The following FNIP1 variants were observed in gnomAD, a reference collection of about 807,000 sequenced individuals.
The protein encoded by FNIP1 is folliculin-interacting protein 1.
In FNIP1, 40 loss-of-function variants were observed where a neutral mutation model predicts 124.5. That is an observed-to-expected ratio of 0.32 (90% CI 0.25 to 0.42). The LOEUF (loss-of-function observed/expected upper bound fraction) is 0.42, where lower values mean the gene tolerates loss of function less well. Ranked by LOEUF, FNIP1 falls within the 10% of genes least tolerant of loss-of-function variation. FNIP1 has a pLI of 1.00. For synonymous variants in FNIP1, 472 were observed against 470.6 expected, an observed-to-expected ratio of 1.00 and a Z score of -0.04; for missense variants, 1,176 against 1,403.7, an observed-to-expected ratio of 0.84 and a Z score of 2.59.
chr5:131,768,039 C>T (rs1332705840), intron 1 of FNIP1, among the ~76,000 whole-genome samples: 1 of 151,992 alleles, frequency 6.6e-6, no homozygotes, highest in Non-Finnish European at 1.5e-5. Flanking sequence ...AGCTGCTTGG[C>T]CATAGTATTA....
At chr5:131,795,390 T>A (rs1280952194) in intron 1 of FNIP1, among the ~76,000 whole-genome samples, 2 of 152,362 alleles carry the variant, frequency 1.3e-5, no homozygotes, top group African/African-American at 4.8e-5. Context: ...TTTTTTCATA[T>A]GAGTGACTTG....
chr5:131,784,666 AT>A (rs1338882060), intron 1 of FNIP1, among the ~76,000 whole-genome samples: 1 of 151,640 alleles, frequency 6.6e-6, no homozygotes, highest in Non-Finnish European at 1.5e-5. Context: ...TCTACAAAAA[AT>A]AAAAATTAGC....
At chr5:131,732,383 G>C (rs1372514665) in intron 2 of FNIP1, among the ~76,000 whole-genome samples, 2 of 152,160 alleles carry the variant, frequency 1.3e-5, no homozygotes, top group African/African-American at 4.8e-5. Flanking sequence ...CTAGATATGA[G>C]TTCAACATGA....
chr5:131,772,056 A>G (rs991417869), intron 1 of FNIP1, among the ~76,000 whole-genome samples: 1 of 152,182 alleles, frequency 6.6e-6, no homozygotes, highest in African/African-American at 2.4e-5. Context: ...AAGGAATACT[A>G]CTTTGCAACA....
At chr5:131,682,743 G>T (rs938422854) in intron 11 of FNIP1, among the ~76,000 whole-genome samples, 7 of 151,954 alleles carry the variant, frequency 4.6e-5, no homozygotes, top group Non-Finnish European at 8.8e-5. Flanking sequence ...AGAAGTAATG[G>T]TTTATTCTAG....
At chr5:131,726,808 A>T (rs1184598497) in intron 3 of FNIP1, among the ~76,000 whole-genome samples, 1 of 152,172 alleles carries the variant, frequency 6.6e-6, no homozygotes, top group Non-Finnish European at 1.5e-5. Context: ...TTAGTGCTAT[A>T]AATTTCCCTC....
intron 15 of FNIP1, among the ~76,000 whole-genome samples, chr5:131,659,227 T>C (rs1292049549): frequency 6.6e-6 from 1 of 152,188 alleles, no homozygotes; most frequent in Non-Finnish European, 1.5e-5. Flanking sequence ...CAAACAACAC[T>C]GTGTTGGTGT....
chr5:131,767,120 C>G (rs1048685055), intron 1 of FNIP1, among the ~76,000 whole-genome samples: 1 of 152,132 alleles, frequency 6.6e-6, no homozygotes, highest in Non-Finnish European at 1.5e-5. Flanking sequence ...TTGAAAGTAT[C>G]TCCTACTATC....
chr5:131,790,334 C>A (rs762019429), intron 1 of FNIP1, among the ~76,000 whole-genome samples: 1 of 152,082 alleles, frequency 6.6e-6, no homozygotes, highest in Non-Finnish European at 1.5e-5. Context: ...AAAAATTAGC[C>A]AGCCATGATG....
chr5:131,726,360 C>T (rs1289259142), intron 3 of FNIP1, among the ~76,000 whole-genome samples: 1 of 152,112 alleles, frequency 6.6e-6, no homozygotes, highest in Non-Finnish European at 1.5e-5. Flanking sequence ...TTAATTACTG[C>T]CTCAATTTCA....
intron 8 of FNIP1, 86 bp downstream of exon 8, chr5:131,709,115 A>C: frequency 1.0e-5 from 11 of 1,082,366 alleles, no homozygotes; most frequent in Non-Finnish European, 1.6e-5. Context: ...AATATGAACA[A>C]ATTTGATAAT....
chr5:131,741,133 C>T (rs1215736018), intron 2 of FNIP1, among the ~76,000 whole-genome samples: 6 of 152,170 alleles, frequency 3.9e-5, no homozygotes, highest in Admixed American at 3.9e-4. Flanking sequence ...CTTGCTTTCA[C>T]TTTACGGATT....
chr5:131,742,872 G>A (rs373343368), intron 2 of FNIP1, among the ~76,000 whole-genome samples: 4 of 152,268 alleles, frequency 2.6e-5, no homozygotes, highest in Non-Finnish European at 2.9e-5. Flanking sequence ...ATCTTCAGGA[G>A]AGTATTTACA....
intron 15 of FNIP1, 50 bp downstream of exon 15, chr5:131,670,413 C>T: frequency 6.8e-7 from 1 of 1,467,080 alleles, no homozygotes. Context: ...GGTTCTGCTG[C>T]TTAACAGAGT....
At chr5:131,707,989 G>C (rs1769170551) in intron 8 of FNIP1, among the ~76,000 whole-genome samples, 1 of 152,042 alleles carries the variant, frequency 6.6e-6, no homozygotes, top group Non-Finnish European at 1.5e-5. Flanking sequence ...ATAAACTCTA[G>C]ATTCTTTAAA....
Position 131,684,556 on chromosome 5 carries a change from A to G in FNIP1, c.1203-5381T>C, listed in dbSNP as rs574450438. 1.9e-3 allele frequency among the ~76,000 whole-genome samples: 287 copies of G among 152,372 alleles called. 1 individual carries two copies. The highest frequency in any genetic ancestry group is 5.9e-3 in the African/African-American group (246 of 41,592). The stretch of plus-strand genomic sequence containing the variant: ...ACATAATAGTGACATATACTTTTAC[A>G]GATTTTATAACTCGCATGCTGTAAA... On this transcript the variant is annotated intron_variant, in intron 11 of 17. Transcript: ENST00000510461.
At chr5:131,713,588 C>T (rs1212433871) in intron 6 of FNIP1, among the ~76,000 whole-genome samples, 1 of 91,310 alleles carries the variant, frequency 1.1e-5, no homozygotes, top group African/African-American at 2.6e-5. Context: ...ATCTAACTAG[C>T]TAACAACAAT....
chr5:131,732,454 T>G (rs535472269), intron 2 of FNIP1, among the ~76,000 whole-genome samples: 1 of 152,232 alleles, frequency 6.6e-6, no homozygotes. Context: ...AGGGTTTTTA[T>G]GGTTTTAGGT....
chr5:131,759,634 A>C (rs1262281982), intron 1 of FNIP1, among the ~76,000 whole-genome samples: 2 of 152,188 alleles, frequency 1.3e-5, no homozygotes, highest in Non-Finnish European at 2.9e-5. Flanking sequence ...AGGAACACTT[A>C]TACATTGTTA....
Sources: allele counts gnomAD v4.1 joint callset (sites outside exome capture counted in the v4.1 genomes callset), GRCh38; gene constraint gnomAD v4.1.1; transcripts MANE v1.5; gene names NCBI Gene and HGNC (gene_info 2026-07-23, HGNC 2026-07-21).